AFF1: variants seen among roughly 807,000 people sequenced by gnomAD.
AFF1 encodes the protein ALF transcription elongation factor 1.
In AFF1, 48 loss-of-function variants were observed where a neutral mutation model predicts 121.7. That is an observed-to-expected ratio of 0.39 (90% confidence interval 0.31 to 0.50). The LOEUF (loss-of-function observed/expected upper bound fraction) is 0.50. Among genes scored for constraint, AFF1 ranks in the 20% least tolerant of loss-of-function variants. The pLI is 0.76. For missense variants in AFF1, 1,523 were observed against 1,511.7 expected (o/e 1.01, Z -0.12); for synonymous variants, 613 against 563.0 (o/e 1.09, Z -1.26).
At chr4:87,012,049 G>T (rs1473538895) in intron 2 of AFF1, among the ~76,000 whole-genome samples, 3 of 152,184 alleles carry the variant, frequency 2.0e-5, no homozygotes, top group African/African-American at 7.2e-5. Flanking sequence ...GGATGAGAGA[G>T]AAATCTACTT....
At chr4:87,067,020 G>C (rs547118784) in intron 4 of AFF1, among the ~76,000 whole-genome samples, 1 of 152,190 alleles carries the variant, frequency 6.6e-6, no homozygotes, top group African/African-American at 2.4e-5. Context: ...ATCAAAGATT[G>C]TACTATACAA....
At chr4:87,111,700 A>T (rs982913355) in intron 11 of AFF1, among the ~76,000 whole-genome samples, 3 of 152,138 alleles carry the variant, frequency 2.0e-5, no homozygotes, top group African/African-American at 7.2e-5. Flanking sequence ...TTTTTCCATC[A>T]CAACACCCAA....
At chr4:86,961,619 A>G (rs986720153) in intron 2 of AFF1, among the ~76,000 whole-genome samples, 3 of 151,680 alleles carry the variant, frequency 2.0e-5, no homozygotes, top group Non-Finnish European at 2.9e-5. Context: ...AGGGGTCACT[A>G]CTGAGTCATA....
rs1728407509 is a variant in AFF1, at chr4:87,127,551, C to G, written c.2904-92C>G. 2.0e-5 allele frequency: 24 copies of G among 1,172,468 alleles called. No homozygotes were observed. In the East Asian group the frequency reaches 5.7e-4, roughly 28 times the overall value. The allele number at this position is 1,172,468 out of a possible 1,614,324, so 72.6% of individuals were successfully genotyped here. On this transcript the variant is annotated intron_variant, in intron 15 of 20. Transcript: ENST00000395146. ...TTACCCTCTCTCCTCCCCTTGCTGT[C>G]CTCCCATCCTTTTTCACTCTTGGTC...
At chr4:87,050,504 C>T (rs1478510936) in intron 4 of AFF1, among the ~76,000 whole-genome samples, 1 of 152,142 alleles carries the variant, frequency 6.6e-6, no homozygotes, top group Non-Finnish European at 1.5e-5. Flanking sequence ...ACTCCCTGTC[C>T]TTTCCTTTCA....
intron 12 of AFF1, among the ~76,000 whole-genome samples, chr4:87,115,761 A>T (rs972528058): frequency 1.3e-5 from 2 of 151,700 alleles, no homozygotes; most frequent in Non-Finnish European, 2.9e-5. Flanking sequence ...GGTGTGTGCC[A>T]CCACACCCGG....
intron 1 of AFF1, among the ~76,000 whole-genome samples, chr4:86,942,074 G>A (rs1165228874): frequency 6.6e-6 from 1 of 151,986 alleles, no homozygotes; most frequent in Non-Finnish European, 1.5e-5. Context: ...CTACATAAAT[G>A]TTTGCTATTA....
rs1054994500 is a variant in AFF1 at position 87,139,741 on chromosome 4, G to A, written c.*4040G>A. The A allele has an allele frequency of 8.8e-5, 20 of 226,554 alleles. No individual in the cohort carries two copies. The highest frequency in any genetic ancestry group is 7.6e-4 in the East Asian group (12 of 15,818). 14.0% of individuals were successfully genotyped at this position (226,554 alleles called of 1,614,324 possible). A position where few individuals can be genotyped will look rare whatever the true frequency, so the allele number is the denominator to read the frequency against. ...TCATTCTATTGGAAGGAGGTGTAAC[G>A]GCAGAATAGCATCGTGTTGGGGGTT... is the stretch of plus-strand genomic sequence containing the variant. On this transcript the variant is annotated 3_prime_UTR_variant, in exon 21 of 21. Coordinates refer to ENST00000395146, the MANE Select transcript of AFF1 (RefSeq NM_001166693.3).
chr4:87,084,520 G>A (rs1354055862), intron 5 of AFF1, among the ~76,000 whole-genome samples: 4 of 151,312 alleles, frequency 2.6e-5, no homozygotes, highest in East Asian at 3.9e-4. Flanking sequence ...CTGCACTCCA[G>A]CCTGGGCAAC....
intron 11 of AFF1, among the ~76,000 whole-genome samples, chr4:87,113,215 G>GCCTCCCT (rs556209417): frequency 2.8e-4 from 42 of 152,254 alleles, no homozygotes; most frequent in African/African-American, 1.0e-3. Flanking sequence ...CTGACGGTAT[G>GCCTCCCT]CCTCCCTTTG....
chr4:87,091,450 T>A (rs897409440), intron 6 of AFF1, among the ~76,000 whole-genome samples: 2 of 152,176 alleles, frequency 1.3e-5, no homozygotes, highest in Non-Finnish European at 2.9e-5. Context: ...TTATTGCTTG[T>A]TTTAAATTAA....
chr4:87,078,363 G>T (rs933906896), intron 4 of AFF1, among the ~76,000 whole-genome samples: 3 of 152,164 alleles, frequency 2.0e-5, no homozygotes, highest in African/African-American at 7.2e-5. Flanking sequence ...TGAGTTCCGG[G>T]ACTGAAAACA....
At chr4:86,981,463 G>A (rs1310783539) in intron 2 of AFF1, among the ~76,000 whole-genome samples, 1 of 151,994 alleles carries the variant, frequency 6.6e-6, no homozygotes, top group Non-Finnish European at 1.5e-5. Context: ...CACTTCCCAG[G>A]TTCAAGCAAT....
intron 2 of AFF1, chr4:86,950,258 A>C: frequency 1.3e-6 from 1 of 778,186 alleles, no homozygotes; most frequent in East Asian, 2.7e-5. Context: ...GGCTCACTGC[A>C]ACCTCTGCCT....
chr4:87,013,448 A>G (rs1203520639), intron 2 of AFF1, among the ~76,000 whole-genome samples: 5 of 152,160 alleles, frequency 3.3e-5, no homozygotes, highest in Admixed American at 1.3e-4. Context: ...AAGGAACTCA[A>G]GCAGACAAAG....
intron 12 of AFF1, among the ~76,000 whole-genome samples, chr4:87,123,234 G>A (rs1231872571): frequency 6.6e-6 from 1 of 152,138 alleles, no homozygotes; most frequent in East Asian, 1.9e-4. Flanking sequence ...ATACCTAAAA[G>A]ATTACTTTAA....
At chr4:86,988,776 G>T (rs911072157) in intron 2 of AFF1, among the ~76,000 whole-genome samples, 1 of 152,048 alleles carries the variant, frequency 6.6e-6, no homozygotes, top group African/African-American at 2.4e-5. Context: ...GCATCATGCT[G>T]ACTTCAAACT....
intron 2 of AFF1, among the ~76,000 whole-genome samples, chr4:87,010,309 A>G (rs959757218): frequency 3.3e-5 from 5 of 152,194 alleles, no homozygotes; most frequent in Non-Finnish European, 5.9e-5. Context: ...TTTGAAAACA[A>G]TAAGTATTTG....
intron 15 of AFF1, 124 bp from the exon 16 acceptor site, chr4:87,127,519 T>C: frequency 1.2e-6 from 1 of 844,496 alleles, no homozygotes; most frequent in South Asian, 1.6e-5. Flanking sequence ...CACTTCTCCT[T>C]CTTTGTTTAC....
Sources: allele counts gnomAD v4.1 joint callset (sites outside exome capture counted in the v4.1 genomes callset), GRCh38; gene constraint gnomAD v4.1.1; transcripts MANE v1.5; gene names NCBI Gene and HGNC (gene_info 2026-07-23, HGNC 2026-07-21).